Variants in ATRNL1 observed in about 807,000 individuals in gnomAD.
ATRNL1 encodes attractin like 1.
In ATRNL1, 95 loss-of-function variants were observed where a neutral mutation model predicts 182.7. The ratio of observed to expected loss-of-function variants is 0.52; its 90% CI spans 0.44 to 0.62. The LOEUF is 0.62. ATRNL1 is among the 20% of genes least tolerant of loss of function. The pLI is 0.00. For synonymous variants in ATRNL1, 576 were observed against 568.3 expected, an observed-to-expected ratio of 1.01 and a Z score of -0.19; for missense variants, 1,471 against 1,679.5, an observed-to-expected ratio of 0.88 and a Z score of 2.17.
At chr10:115,598,913 G>T (rs1576143) in intron 26 of ATRNL1, among the ~76,000 whole-genome samples, 44,238 of 112,486 alleles carry the variant, frequency 0.39, 7,618 homozygotes, top group East Asian at 0.7. Flanking sequence ...TTTGCACGTA[G>T]TTGTGAATAT....
intron 26 of ATRNL1, among the ~76,000 whole-genome samples, chr10:115,592,330 C>T (rs1363453432): frequency 1.3e-5 from 2 of 152,124 alleles, no homozygotes; most frequent in African/African-American, 4.8e-5. Flanking sequence ...AAAGTTGAAA[C>T]AAACAAGAGA....
chr10:115,270,157 A>G (rs1851780056), intron 13 of ATRNL1, among the ~76,000 whole-genome samples: 1 of 149,900 alleles, frequency 6.7e-6, no homozygotes, highest in African/African-American at 2.4e-5. Context: ...AGACATGGGA[A>G]TCAGGGACTT....
intron 25 of ATRNL1, among the ~76,000 whole-genome samples, chr10:115,536,239 C>T (rs556801968): frequency 6.6e-6 from 1 of 152,146 alleles, no homozygotes; most frequent in Admixed American, 6.5e-5. Context: ...ACAGGCAGAC[C>T]TCCTTGAGCT....
At chr10:115,326,288 T>C (rs1292659109) in intron 18 of ATRNL1, among the ~76,000 whole-genome samples, 1 of 151,888 alleles carries the variant, frequency 6.6e-6, no homozygotes, top group African/African-American at 2.4e-5. Flanking sequence ...TATACACCAA[T>C]AACAGACAAA....
intron 18 of ATRNL1, among the ~76,000 whole-genome samples, chr10:115,317,481 G>A (rs1429427317): frequency 2.0e-5 from 3 of 152,144 alleles, no homozygotes; most frequent in African/African-American, 7.2e-5. Context: ...ATTACTTTGG[G>A]CAGTGTGGCC....
intron 19 of ATRNL1, among the ~76,000 whole-genome samples, chr10:115,388,302 A>G (rs1432285099): frequency 6.6e-6 from 1 of 152,270 alleles, no homozygotes; most frequent in South Asian, 2.1e-4. Flanking sequence ...CTTTGTAAAC[A>G]TAGTTGCTTT....
chr10:115,312,027 G>GCAGATATTT (rs1854061375), intron 17 of ATRNL1, among the ~76,000 whole-genome samples: 1 of 151,886 alleles, frequency 6.6e-6, no homozygotes, highest in Non-Finnish European at 1.5e-5. Flanking sequence ...CTTGAAGATA[G>GCAGATATTT]CAGATATTTG....
chr10:115,940,368 GAT>G (rs1953690097), intron 28 of ATRNL1, among the ~76,000 whole-genome samples: 1 of 152,224 alleles, frequency 6.6e-6, no homozygotes. Flanking sequence ...TATTAGTAGA[GAT>G]AGCAGTCTGA....
chr10:115,412,933 G>A (rs1845213187), intron 20 of ATRNL1, among the ~76,000 whole-genome samples: 2 of 152,010 alleles, frequency 1.3e-5, no homozygotes, highest in South Asian at 2.1e-4. Flanking sequence ...TTCTTAATTT[G>A]CATTTCTTTG....
At chr10:115,316,781 T>C (rs923857582) in intron 18 of ATRNL1, among the ~76,000 whole-genome samples, 12 of 152,210 alleles carry the variant, frequency 7.9e-5, no homozygotes, top group Admixed American at 7.8e-4. Context: ...TCTTGTAAAT[T>C]TGTTTAAGTT....
chr10:115,096,903 A>C, intron 1 of ATRNL1: 1 of 724,768 alleles, frequency 1.4e-6, no homozygotes, highest in Non-Finnish European at 1.8e-6. Context: ...GATTGAGAAT[A>C]GGAAAATATA....
intron 25 of ATRNL1, among the ~76,000 whole-genome samples, chr10:115,540,386 C>A (rs1045098894): frequency 6.6e-5 from 10 of 152,070 alleles, no homozygotes; most frequent in Non-Finnish European, 1.5e-4. Flanking sequence ...CAAATTATCT[C>A]TCTAGAGAAT....
At chr10:115,810,616 G>A (rs946577420) in intron 27 of ATRNL1, among the ~76,000 whole-genome samples, 2 of 151,856 alleles carry the variant, frequency 1.3e-5, no homozygotes, top group Admixed American at 1.3e-4. Context: ...ATTCTTGGAA[G>A]TAAAACCACA....
chr10:115,574,047 T>TAGTCA (rs1854562876), intron 26 of ATRNL1, among the ~76,000 whole-genome samples: 1 of 152,072 alleles, frequency 6.6e-6, no homozygotes, highest in Non-Finnish European at 1.5e-5. Context: ...AGAAAATTCT[T>TAGTCA]TGGGAAGTAG....
intron 28 of ATRNL1, among the ~76,000 whole-genome samples, chr10:115,943,771 G>A (rs554346812): frequency 2.0e-5 from 3 of 152,042 alleles, no homozygotes; most frequent in Non-Finnish European, 4.4e-5. Flanking sequence ...TGGAAGCAAG[G>A]ACAATCAAGA....
chr10:115,809,646 A>G (rs1950002169), intron 27 of ATRNL1, among the ~76,000 whole-genome samples: 1 of 152,008 alleles, frequency 6.6e-6, no homozygotes, highest in East Asian at 1.9e-4. Context: ...TTATATTTTT[A>G]TCTTGTGACA....
intron 13 of ATRNL1, among the ~76,000 whole-genome samples, chr10:115,275,221 A>T (rs1420726095): frequency 6.6e-6 from 1 of 152,094 alleles, no homozygotes; most frequent in African/African-American, 2.4e-5. Flanking sequence ...TGGAACTGGG[A>T]AAATAGCCAC....
At chr10:115,547,336 A>C (rs1852726347) in intron 25 of ATRNL1, among the ~76,000 whole-genome samples, 1 of 151,616 alleles carries the variant, frequency 6.6e-6, no homozygotes, top group African/African-American at 2.4e-5. Flanking sequence ...CTAACTTGTC[A>C]GTCAGCAACT....
chr10:115,193,603 TC>T (rs1332543180), intron 8 of ATRNL1, among the ~76,000 whole-genome samples: 1 of 151,970 alleles, frequency 6.6e-6, no homozygotes, highest in Non-Finnish European at 1.5e-5. Context: ...AGGTCTTCTT[TC>T]TTTTTTCTTT....
Sources: allele counts gnomAD v4.1 joint callset (sites outside exome capture counted in the v4.1 genomes callset), GRCh38; gene constraint gnomAD v4.1.1; transcripts MANE v1.5; gene names NCBI Gene and HGNC (gene_info 2026-07-23, HGNC 2026-07-21).